HYCC2: variants seen among roughly 807,000 people sequenced by gnomAD.
The protein encoded by HYCC2 is hyccin 2.
At chr2:201,018,624 T>A in the HYCC2 span, among the ~76,000 whole-genome samples, 1 of 152,328 alleles carries the variant, frequency 6.6e-6, no homozygotes, top group Non-Finnish European at 1.5e-5. Flanking sequence ...CCTAGTCTAG[T>A]AAATACTAAG....
the HYCC2 span, among the ~76,000 whole-genome samples, chr2:201,055,192 A>AT: frequency 6.6e-6 from 1 of 151,648 alleles, no homozygotes; most frequent in Non-Finnish European, 1.5e-5. Context: ...TTTTTCCTCA[A>AT]TTTTTTTTAT....
chr2:201,020,502 A>C, the HYCC2 span, among the ~76,000 whole-genome samples: 1 of 152,182 alleles, frequency 6.6e-6, no homozygotes, highest in Non-Finnish European at 1.5e-5. Context: ...ATAGGAGGTA[A>C]GCTGAAATAA....
the HYCC2 span, among the ~76,000 whole-genome samples, chr2:201,061,628 T>G: frequency 2.4e-5 from 3 of 126,890 alleles, no homozygotes; most frequent in East Asian, 6.1e-4. Flanking sequence ...ATACTTATAG[T>G]TTTTTTTTTT....
the HYCC2 span, among the ~76,000 whole-genome samples, chr2:201,014,818 TA>T: frequency 6.6e-6 from 1 of 152,166 alleles, no homozygotes; most frequent in Non-Finnish European, 1.5e-5. Flanking sequence ...TAATGTATAC[TA>T]AATACACAAA....
At chr2:201,015,688 C>G in the HYCC2 span, among the ~76,000 whole-genome samples, 1 of 152,226 alleles carries the variant, frequency 6.6e-6, no homozygotes, top group Non-Finnish European at 1.5e-5. Context: ...TAAACCTAAA[C>G]TCTTCACTTT....
chr2:201,023,471 T>C, the HYCC2 span: 15 of 153,722 alleles, frequency 9.8e-5, no homozygotes, highest in African/African-American at 3.6e-4. Context: ...TATACCAACA[T>C]TTCCTGAAAT....
At chr2:201,017,358 TAAG>T in the HYCC2 span, among the ~76,000 whole-genome samples, 1 of 152,142 alleles carries the variant, frequency 6.6e-6, no homozygotes, top group Non-Finnish European at 1.5e-5. Flanking sequence ...CCACTAACTA[TAAG>T]AAGTATTTTG....
the HYCC2 span, among the ~76,000 whole-genome samples, chr2:201,057,725 G>T: frequency 1.3e-5 from 2 of 150,956 alleles, no homozygotes; most frequent in Non-Finnish European, 3.0e-5. Context: ...AAGGAAAGAA[G>T]GAAAAAAAAA....
At chr2:200,997,364 G>T in the HYCC2 span, 1 of 1,012,536 alleles carries the variant, frequency 9.9e-7, no homozygotes, top group African/African-American at 1.6e-5. Flanking sequence ...CCAGAAGTTA[G>T]AACAGTGCTT....
At chr2:201,038,289 T>C in the HYCC2 span, among the ~76,000 whole-genome samples, 5 of 152,166 alleles carry the variant, frequency 3.3e-5, no homozygotes, top group South Asian at 2.1e-4. Context: ...TTTTACACTG[T>C]TGGTGGGACT....
chr2:201,037,590 T>C, the HYCC2 span, among the ~76,000 whole-genome samples: 4 of 152,080 alleles, frequency 2.6e-5, no homozygotes, highest in Admixed American at 6.6e-5. Context: ...TAATGCCACA[T>C]ATCTACAACT....
the HYCC2 span, chr2:201,021,884 G>A: frequency 2.6e-5 from 10 of 377,762 alleles, no homozygotes; most frequent in South Asian, 1.8e-4. Flanking sequence ...CACTGCAAGA[G>A]AAAAAGCAAA....
chr2:201,057,781 TGA>T, the HYCC2 span, among the ~76,000 whole-genome samples: 1 of 151,982 alleles, frequency 6.6e-6, no homozygotes, highest in Non-Finnish European at 1.5e-5. Flanking sequence ...CTGCTGGCAT[TGA>T]CCTTACAGAG....
At chr2:201,068,115 T>C in the HYCC2 span, among the ~76,000 whole-genome samples, 2 of 151,806 alleles carry the variant, frequency 1.3e-5, no homozygotes, top group Non-Finnish European at 2.9e-5. Flanking sequence ...AGAAATCCCG[T>C]CTCTACTAAA....
the HYCC2 span, chr2:201,021,616 T>C: frequency 5.8e-6 from 1 of 171,020 alleles, no homozygotes; most frequent in Non-Finnish European, 1.3e-5. Context: ...ATTATGTACA[T>C]GATAAAATAC....
At chr2:201,030,120 G>A in the HYCC2 span, among the ~76,000 whole-genome samples, 20 of 152,060 alleles carry the variant, frequency 1.3e-4, no homozygotes, top group Admixed American at 1.3e-3. Flanking sequence ...AAATTTCATT[G>A]TAATGGTGAC....
the HYCC2 span, among the ~76,000 whole-genome samples, chr2:201,024,634 T>C: frequency 6.6e-6 from 1 of 152,102 alleles, no homozygotes. Flanking sequence ...TCCAGACAAA[T>C]GCAGTCTACA....
the HYCC2 span, among the ~76,000 whole-genome samples, chr2:201,067,404 T>A: frequency 6.6e-6 from 1 of 152,328 alleles, no homozygotes; most frequent in Non-Finnish European, 1.5e-5. Flanking sequence ...TTGATGCCAC[T>A]TACCATATTT....
the HYCC2 span, among the ~76,000 whole-genome samples, chr2:201,042,876 C>T: frequency 6.6e-5 from 10 of 150,692 alleles, no homozygotes; most frequent in Admixed American, 1.3e-4. Context: ...TCTGCCCGGC[C>T]GCCCCGTCTG....
Sources: gnomAD v4.1 joint callset for allele counts (sites outside exome capture counted in the v4.1 genomes callset) on GRCh38, gnomAD v4.1.1 for gene constraint, MANE v1.5 for transcripts, NCBI Gene and HGNC (gene_info 2026-07-23, HGNC 2026-07-21) for gene names.